Variants in NPAS3 observed in about 807,000 individuals in gnomAD.
NPAS3 encodes neuronal PAS domain-containing protein 3.
NPAS3 carries 14 observed loss-of-function variants against 73.1 expected under a neutral mutation model. The ratio of observed to expected loss-of-function variants is 0.19; its 90% CI spans 0.13 to 0.30. The LOEUF is 0.30. Among genes scored for constraint, NPAS3 ranks in the 10% least tolerant of loss-of-function variants. The pLI is 1.00. For missense variants in NPAS3, 1,096 were observed against 1,250.0 expected (o/e 0.88, Z 1.86); for synonymous variants, 620 against 541.5 (o/e 1.14, Z -2.01).
intron 6 of NPAS3, among the ~76,000 whole-genome samples, chr14:33,723,512 A>C (rs973166135): frequency 6.6e-6 from 1 of 152,034 alleles, no homozygotes; most frequent in African/African-American, 2.4e-5. Flanking sequence ...CTTTTCTACA[A>C]GCCTCACGTC....
intron 6 of NPAS3, among the ~76,000 whole-genome samples, chr14:33,718,153 T>G (rs994731059): frequency 2.6e-5 from 4 of 152,050 alleles, no homozygotes; most frequent in Non-Finnish European, 5.9e-5. Context: ...AAGAATAGCG[T>G]TCCTGTTCTT....
chr14:33,001,895 G>GCCTCACCTCCTTCCTAC (rs2079737312), intron 1 of NPAS3, among the ~76,000 whole-genome samples: 1 of 152,072 alleles, frequency 6.6e-6, no homozygotes, highest in South Asian at 2.1e-4. Flanking sequence ...CTGTTCCCTA[G>GCCTCACCTCCTTCCTAC]CCTCACCTCC....
At chr14:33,636,979 T>C (rs2058539126) in intron 5 of NPAS3, among the ~76,000 whole-genome samples, 1 of 152,106 alleles carries the variant, frequency 6.6e-6, no homozygotes, top group African/African-American at 2.4e-5. Flanking sequence ...GCTCTTCTAT[T>C]AGAAATGTTA....
chr14:33,064,669 G>T (rs1443586825), intron 2 of NPAS3, among the ~76,000 whole-genome samples: 1 of 152,172 alleles, frequency 6.6e-6, no homozygotes, highest in Non-Finnish European at 1.5e-5. Flanking sequence ...GAATAGAGAT[G>T]CAGTACATTT....
At chr14:33,457,107 C>A (rs533790260) in intron 4 of NPAS3, among the ~76,000 whole-genome samples, 1 of 152,162 alleles carries the variant, frequency 6.6e-6, no homozygotes. Context: ...AGGTGAAGGG[C>A]GAGTCGCCGT....
rs138244930 is a variant in NPAS3, at chr14:33,122,639, C to T, written c.140+66645C>T. On this transcript the variant is annotated intron_variant, in intron 2 of 11. Coordinates refer to ENST00000356141, the Ensembl canonical transcript of NPAS3. ...TCATGTTGTGATACTCAGGTTCAAA[C>T]GATCTCAAACTTATTTTTTTACTTC... Among the ~76,000 whole-genome samples the T allele has an allele frequency of 3.2e-3, 484 of 152,138 alleles. 8 individuals are homozygous for T. Among genetic ancestry groups the T allele is most frequent in the Non-Finnish European group, 1.3e-3 (88 of 67,988 alleles).
At chr14:32,959,621 A>C (rs1286634844) in intron 1 of NPAS3, among the ~76,000 whole-genome samples, 1 of 152,172 alleles carries the variant, frequency 6.6e-6, no homozygotes. Flanking sequence ...ACAGAGACTT[A>C]ATTACGACTA....
intron 2 of NPAS3, among the ~76,000 whole-genome samples, chr14:33,203,737 G>C (rs1226468298): frequency 6.6e-6 from 1 of 152,172 alleles, no homozygotes. Context: ...GGACATTTGG[G>C]TTGGTTCCAA....
chr14:33,656,660 TTACTC>T (rs151294158), intron 5 of NPAS3, among the ~76,000 whole-genome samples: 108 of 152,322 alleles, frequency 7.1e-4, no homozygotes, highest in African/African-American at 2.6e-3. Context: ...TGAACTGAGG[TTACTC>T]TAGTCCAGCT....
chr14:33,727,979 A>G (rs2061314053), intron 6 of NPAS3, among the ~76,000 whole-genome samples: 2 of 152,184 alleles, frequency 1.3e-5, no homozygotes, highest in Admixed American at 6.5e-5. Flanking sequence ...GGCGATCTTT[A>G]CGATACTCAG....
chr14:33,436,808 A>C (rs2049008918), intron 4 of NPAS3, among the ~76,000 whole-genome samples: 1 of 152,228 alleles, frequency 6.6e-6, no homozygotes, highest in Admixed American at 6.5e-5. Flanking sequence ...ATACATGGAA[A>C]CTGTTCAACT....
chr14:32,979,947 A>G (rs1325823841), intron 1 of NPAS3, among the ~76,000 whole-genome samples: 2 of 152,186 alleles, frequency 1.3e-5, no homozygotes, highest in Non-Finnish European at 2.9e-5. Flanking sequence ...GGATTATGTC[A>G]ATTGACTTGT....
At chr14:33,667,779 T>C (rs1178779245) in intron 5 of NPAS3, among the ~76,000 whole-genome samples, 1 of 152,216 alleles carries the variant, frequency 6.6e-6, no homozygotes, top group East Asian at 1.9e-4. Flanking sequence ...TGGTTAATCA[T>C]GGCGTGAAGA....
intron 5 of NPAS3, among the ~76,000 whole-genome samples, chr14:33,668,307 C>CAACTAATT (rs2059512978): frequency 2.0e-5 from 3 of 152,114 alleles, no homozygotes; most frequent in African/African-American, 7.2e-5. Context: ...CACTGAGGAA[C>CAACTAATT]GACTAATTGT....
intron 4 of NPAS3, among the ~76,000 whole-genome samples, chr14:33,398,500 A>G (rs7161038): frequency 0.13 from 19,084 of 151,168 alleles, 1,866 homozygotes; most frequent in East Asian, 0.39. Flanking sequence ...ACTTTTTCTT[A>G]GTAATATGTC....
intron 2 of NPAS3, among the ~76,000 whole-genome samples, chr14:33,177,031 C>T (rs1373047262): frequency 6.7e-6 from 1 of 150,142 alleles, no homozygotes; most frequent in Non-Finnish European, 1.5e-5. Context: ...GTAGAAGTGT[C>T]TATCCAGATT....
At chr14:33,426,602 T>C (rs984130085) in intron 4 of NPAS3, among the ~76,000 whole-genome samples, 28 of 151,854 alleles carry the variant, frequency 1.8e-4, no homozygotes, top group African/African-American at 6.5e-4. Flanking sequence ...ATACTTAGGA[T>C]ATTGTTAAGG....
chr14:33,221,473 A>G (rs996581257), intron 3 of NPAS3, among the ~76,000 whole-genome samples: 1 of 152,160 alleles, frequency 6.6e-6, no homozygotes, highest in African/African-American at 2.4e-5. Flanking sequence ...GCCCAAAAGC[A>G]GAAGTGGGCT....
chr14:33,756,752 G>C (rs1221797202), intron 7 of NPAS3, among the ~76,000 whole-genome samples: 1 of 152,210 alleles, frequency 6.6e-6, no homozygotes, highest in South Asian at 2.1e-4. Context: ...CTGTAGTCTG[G>C]TCCTACGAGG....
Sources: allele counts gnomAD v4.1 joint callset (sites outside exome capture counted in the v4.1 genomes callset), GRCh38; gene constraint gnomAD v4.1.1; transcripts MANE v1.5; gene names NCBI Gene and HGNC (gene_info 2026-07-23, HGNC 2026-07-21).